The following RAB6A variants were observed in gnomAD, a reference collection of about 807,000 sequenced individuals.
RAB6A encodes RAB6A, member RAS oncogene family.
Under a neutral mutation model 32.3 loss-of-function variants are expected in RAB6A, and 8 were observed. The observed-to-expected ratio is 0.25, with a 90% CI of 0.15 to 0.45. The LOEUF is 0.45. Ranked by LOEUF, RAB6A falls within the 20% of genes least tolerant of loss-of-function variation. RAB6A has a pLI of 1.00. For missense variants in RAB6A, 104 were observed against 249.4 expected (o/e 0.42, Z 3.93); for synonymous variants, 73 against 82.1 (o/e 0.89, Z 0.60).
At chr11:73,754,646 CAG>C (rs1186394050) in intron 1 of RAB6A, among the ~76,000 whole-genome samples, 1 of 152,146 alleles carries the variant, frequency 6.6e-6, no homozygotes, top group East Asian at 1.9e-4. Context: ...AGGCTGGGCA[CAG>C]TGGCTCATGC....
chr11:73,707,137 A>G (rs1945859643), intron 6 of RAB6A, among the ~76,000 whole-genome samples: 3 of 151,430 alleles, frequency 2.0e-5, no homozygotes, highest in South Asian at 2.1e-4. Flanking sequence ...AAAAAAAAAA[A>G]AAAAAGAAAA....
intron 1 of RAB6A, among the ~76,000 whole-genome samples, chr11:73,741,100 AAAAACAAAAAATATTTACCTGAC>A (rs1199708478): frequency 6.6e-6 from 1 of 152,156 alleles, no homozygotes; most frequent in Non-Finnish European, 1.5e-5. Context: ...CATCCAAAGT[AAAAACAAAAAATATTTACCTGAC>A]AAAACAAAAT....
At chr11:73,728,931 C>T (rs527526646) in intron 2 of RAB6A, among the ~76,000 whole-genome samples, 154 of 151,980 alleles carry the variant, frequency 1.0e-3, no homozygotes, top group African/African-American at 3.5e-3. Flanking sequence ...TCTATGTGGG[C>T]AGTTTTTTTT....
intron 1 of RAB6A, among the ~76,000 whole-genome samples, chr11:73,759,190 C>T (rs1367143018): frequency 6.6e-6 from 1 of 152,098 alleles, no homozygotes; most frequent in Non-Finnish European, 1.5e-5. Flanking sequence ...CCTAAAACAC[C>T]TAGTAGGTAC....
At chr11:73,760,209 G>A in intron 1 of RAB6A, 6 of 913,516 alleles carry the variant, frequency 6.6e-6, no homozygotes, top group Non-Finnish European at 9.3e-6. Context: ...AAGGAATAAG[G>A]GTGGGGCTCA....
chr11:73,679,513 G>C, intron 7 of RAB6A, 141 bp downstream of exon 7: 1 of 962,590 alleles, frequency 1.0e-6, no homozygotes, highest in African/African-American at 1.7e-5. Context: ...ATTTGCTATA[G>C]AAAACAAATG....
intron 6 of RAB6A, among the ~76,000 whole-genome samples, chr11:73,699,073 G>A (rs545621145): frequency 2.0e-5 from 3 of 151,940 alleles, no homozygotes; most frequent in East Asian, 1.9e-4. Flanking sequence ...GGCTGGTCTC[G>A]AACTCCTGAC....
rs1282397205 is a variant in RAB6A at position 73,719,008 on chromosome 11, T to A, written c.184-290A>T. 3 of 869,366 alleles carry A rather than the reference T, an allele frequency of 3.5e-6. No individual in the cohort carries two copies. In the Admixed American group the frequency reaches 8.8e-5, roughly 26 times the overall value. 53.9% of individuals were successfully genotyped at this position (869,366 alleles called of 1,614,324 possible). A position where few individuals can be genotyped will look rare whatever the true frequency, so the allele number is the denominator to read the frequency against. On this transcript the variant is annotated intron_variant, in intron 3 of 7. Transcript: ENST00000336083. ...GGGAAGGAAGTAGAAAGAAGACTCATGCAAGAGGTTGCAGGGAGTGAGGAA... is the reference window on the plus strand; with the variant it reads ...GGGAAGGAAGTAGAAAGAAGACTCAAGCAAGAGGTTGCAGGGAGTGAGGAA...
chr11:73,676,501 GAAAT>G lies in RAB6A; in HGVS notation c.*1393_*1396del, dbSNP rs1167724176. ...AGTTGTTAAAAAAAAAAAAGGCAAA[GAAAT>G]AAATATCACCAAAGAAAAAAGATTA... On this transcript the variant is annotated 3_prime_UTR_variant, in exon 8 of 8. Coordinates refer to ENST00000336083, the MANE Select transcript of RAB6A (RefSeq NM_198896.2). 6 of 158,870 alleles carry G rather than the reference GAAAT, an allele frequency of 3.8e-5. No individual in the cohort carries two copies. The highest frequency in any genetic ancestry group is 2.7e-4 in the Admixed American group (4 of 14,768). 9.8% of individuals were successfully genotyped at this position (158,870 alleles called of 1,614,324 possible). A position where few individuals can be genotyped will look rare whatever the true frequency, so the allele number is the denominator to read the frequency against.
At chr11:73,716,390 TAGTG>T in intron 4 of RAB6A, 28 bp from the exon 5 acceptor site, 4 of 1,560,030 alleles carry the variant, frequency 2.6e-6, no homozygotes, top group Non-Finnish European at 3.5e-6. Context: ...ACAGAGAGAT[TAGTG>T]TTGCTGAAAA....
rs11235872 is a variant in RAB6A at position 73,711,033 on chromosome 11, T to G, written c.402-3520A>C. On this transcript the variant is annotated intron_variant, in intron 5 of 7. Coordinates refer to ENST00000336083, the MANE Select transcript of RAB6A (RefSeq NM_198896.2). Reference sequence around the variant, plus strand: ...CACTAATTGGGACTCAAAGGCTTTCTGCTCAAAGGCATAGATGCAGAGGAG... The same window carrying G: ...CACTAATTGGGACTCAAAGGCTTTCGGCTCAAAGGCATAGATGCAGAGGAG... Among the ~76,000 whole-genome samples, 6 of 152,336 alleles carry G rather than the reference T, an allele frequency of 3.9e-5. No homozygotes were observed. In the East Asian group the frequency reaches 1.2e-3, roughly 29 times the overall value.
In RAB6A at chr11:73,746,510, A is replaced by T. The variant is rs924263313; in HGVS notation, c.70+14056T>A. The stretch of plus-strand genomic sequence containing the variant: ...GTGACAGAGTGAGACTCTGTCTCTT[A>T]AAAAAAACCAGCACTTTGGGAGGCC... On this transcript the variant is annotated intron_variant, in intron 1 of 7. Transcript: ENST00000336083. Among the ~76,000 whole-genome samples the T allele has an allele frequency of 9.2e-5, 14 of 151,888 alleles. No individual in the cohort carries two copies. In the South Asian group the frequency reaches 1.0e-3, roughly 11 times the overall value.
At chr11:73,713,988 C>A (rs147595668) in intron 5 of RAB6A, among the ~76,000 whole-genome samples, 3,630 of 151,608 alleles carry the variant, frequency 0.024, 77 homozygotes, top group Non-Finnish European at 0.04. Context: ...GTCAGGAGTT[C>A]GAGACCAGCC....
At chr11:73,745,609 T>A (rs1208086634) in intron 1 of RAB6A, among the ~76,000 whole-genome samples, 1 of 151,960 alleles carries the variant, frequency 6.6e-6, no homozygotes, top group Non-Finnish European at 1.5e-5. Flanking sequence ...GATGGGTGGA[T>A]CATCTGAGGT....
At chr11:73,697,972 C>CT (rs1408393139) in intron 6 of RAB6A, among the ~76,000 whole-genome samples, 2 of 152,214 alleles carry the variant, frequency 1.3e-5, no homozygotes, top group Non-Finnish European at 2.9e-5. Flanking sequence ...GTAACCCCAG[C>CT]ACTTTGGGAG....
intron 5 of RAB6A, among the ~76,000 whole-genome samples, chr11:73,713,840 G>GATGGC (rs1273087148): frequency 1.3e-5 from 2 of 152,102 alleles, no homozygotes; most frequent in African/African-American, 2.4e-5. Flanking sequence ...AGATTACCAA[G>GATGGC]AAAGATGGTA....
rs745537585 is a variant in RAB6A, at chr11:73,760,549, G to A, written c.70+17C>T. The A allele has an allele frequency of 1.9e-6, 3 of 1,597,622 alleles. No individual in the cohort carries two copies. Among genetic ancestry groups the A allele is most frequent in the South Asian group, 2.3e-5 (2 of 88,614 alleles). ...CGCTGCGGCCAGCTGCCAGGAGTAG[G>A]GGAGCCACGCACTCACCGCTTTGCT... On this transcript the variant is annotated intron_variant, in intron 1 of 7. Transcript: ENST00000336083.
At chr11:73,734,165 G>A (rs977385329) in intron 1 of RAB6A, among the ~76,000 whole-genome samples, 7 of 152,004 alleles carry the variant, frequency 4.6e-5, no homozygotes, top group African/African-American at 1.7e-4. Flanking sequence ...TCACTCTGTC[G>A]CCCAGGCTGG....
intron 5 of RAB6A, 123 bp from the exon 6 acceptor site, chr11:73,707,636 T>A: frequency 3.3e-6 from 2 of 615,034 alleles, no homozygotes; most frequent in East Asian, 5.5e-5. Flanking sequence ...CACATTAGTT[T>A]AAAAATTCAT....
Sources: allele counts gnomAD v4.1 joint callset (sites outside exome capture counted in the v4.1 genomes callset), GRCh38; gene constraint gnomAD v4.1.1; transcripts MANE v1.5; gene names NCBI Gene and HGNC (gene_info 2026-07-23, HGNC 2026-07-21).